Variants in PTPRD observed in about 807,000 individuals in gnomAD.
The protein encoded by PTPRD is receptor-type tyrosine-protein phosphatase delta.
PTPRD carries 34 observed loss-of-function variants against 214.5 expected under a neutral mutation model. That is an observed-to-expected ratio of 0.16 (90% CI 0.12 to 0.21). The LOEUF (loss-of-function observed/expected upper bound fraction) is 0.21. Ranked by LOEUF, PTPRD falls within the 10% of genes least tolerant of loss-of-function variation. The probability of loss-of-function intolerance (pLI) is 1.00; values close to 1 mark genes in which losing one functional copy is unlikely to be tolerated. For synonymous variants in PTPRD, 1,128 were observed against 845.7 expected (o/e 1.33, Z -5.79); for missense variants, 2,545 against 2,398.7 (o/e 1.06, Z -1.27).
intron 3 of PTPRD, among the ~76,000 whole-genome samples, chr9:10,171,997 A>G (rs899565570): frequency 1.3e-5 from 2 of 152,170 alleles, no homozygotes; most frequent in Non-Finnish European, 2.9e-5. Flanking sequence ...AAATGATACC[A>G]TTCCAGCCTC....
chr9:8,578,456 T>G (rs2092705404), intron 14 of PTPRD, among the ~76,000 whole-genome samples: 1 of 152,210 alleles, frequency 6.6e-6, no homozygotes, highest in Non-Finnish European at 1.5e-5. Context: ...GTAATACTAT[T>G]ATTTGATTCA....
chr9:9,292,801 C>A lies in PTPRD; in HGVS notation c.-203+104648G>T, dbSNP rs186188264. On this transcript the variant is annotated intron_variant, in intron 9 of 45. Coordinates refer to ENST00000381196, the MANE Select transcript of PTPRD (RefSeq NM_002839.4). Reference sequence around the variant, plus strand: ...CTTGACAGATTTGAGGAGTACTGATCAGGCATTATATAGAATGTTCCTCTA... The same window carrying A: ...CTTGACAGATTTGAGGAGTACTGATAAGGCATTATATAGAATGTTCCTCTA... Among the ~76,000 whole-genome samples, 6 of 151,406 alleles carry A rather than the reference C, an allele frequency of 4.0e-5. 1 individual carries two copies. The highest frequency in any genetic ancestry group is 9.7e-5 in the African/African-American group (4 of 41,382).
At chr9:9,257,391 C>T (rs1202817535) in intron 9 of PTPRD, among the ~76,000 whole-genome samples, 1 of 151,912 alleles carries the variant, frequency 6.6e-6, no homozygotes, top group African/African-American at 2.4e-5. Context: ...GAGTTGGCTT[C>T]CATGTCCCAA....
chr9:8,362,633 G>A (rs1174028789), intron 39 of PTPRD, among the ~76,000 whole-genome samples: 1 of 152,142 alleles, frequency 6.6e-6, no homozygotes, highest in Non-Finnish European at 1.5e-5. Context: ...GACTGAAGTT[G>A]TTTCTTCAAA....
chr9:10,295,010 T>C (rs117538995), intron 3 of PTPRD, among the ~76,000 whole-genome samples: 4,533 of 152,078 alleles, frequency 0.03, 297 homozygotes, highest in Admixed American at 0.16. Flanking sequence ...AATACAGTTA[T>C]GGTGATTTAA....
At chr9:10,056,112 G>A (rs950120338) in intron 3 of PTPRD, among the ~76,000 whole-genome samples, 5 of 151,902 alleles carry the variant, frequency 3.3e-5, no homozygotes, top group African/African-American at 1.2e-4. Context: ...CATGAGGTCA[G>A]GAGTTTGAGA....
chr9:8,689,878 C>T (rs2097767403), intron 12 of PTPRD, among the ~76,000 whole-genome samples: 1 of 152,054 alleles, frequency 6.6e-6, no homozygotes, highest in Admixed American at 6.5e-5. Context: ...AAGGCAAAGG[C>T]TTGTGGATCA....
intron 13 of PTPRD, 49 bp from the exon 14 acceptor site, chr9:8,633,507 C>T (rs141171244): frequency 6.3e-7 from 1 of 1,598,824 alleles, no homozygotes; most frequent in Non-Finnish European, 8.5e-7. Context: ...AATTGTCTAC[C>T]TCTCAGCTAA....
chr9:10,308,416 T>A (rs529134577), intron 3 of PTPRD, among the ~76,000 whole-genome samples: 2 of 152,186 alleles, frequency 1.3e-5, no homozygotes, highest in Admixed American at 6.6e-5. Context: ...ATTCCATTAG[T>A]CTATGTGTCT....
chr9:8,750,524 A>C (rs2093413346), intron 11 of PTPRD, among the ~76,000 whole-genome samples: 1 of 152,130 alleles, frequency 6.6e-6, no homozygotes, highest in South Asian at 2.1e-4. Flanking sequence ...ACAGGGGTAG[A>C]AAAATAACTG....
chr9:9,477,652 G>C (rs913286884), intron 8 of PTPRD, among the ~76,000 whole-genome samples: 1 of 152,046 alleles, frequency 6.6e-6, no homozygotes, highest in Non-Finnish European at 1.5e-5. Context: ...ACTGATATCC[G>C]TGCAAGGAAC....
intron 39 of PTPRD, among the ~76,000 whole-genome samples, chr9:8,374,185 A>G (rs1247023117): frequency 5.3e-5 from 8 of 151,152 alleles, no homozygotes. Flanking sequence ...ATATAAGGGC[A>G]ACATTTCTTC....
chr9:9,673,780 C>T (rs957078033), intron 7 of PTPRD, among the ~76,000 whole-genome samples: 2 of 150,000 alleles, frequency 1.3e-5, no homozygotes, highest in African/African-American at 4.9e-5. Flanking sequence ...ATACAGAAAC[C>T]CCAAAAAGAT....
intron 7 of PTPRD, among the ~76,000 whole-genome samples, chr9:9,660,915 T>C (rs1222132214): frequency 6.6e-6 from 1 of 151,980 alleles, no homozygotes; most frequent in Non-Finnish European, 1.5e-5. Context: ...ACTTTGTCAT[T>C]GTGTCACGTT....
At chr9:9,880,550 G>A (rs566950220) in intron 5 of PTPRD, among the ~76,000 whole-genome samples, 1 of 151,920 alleles carries the variant, frequency 6.6e-6, no homozygotes, top group African/African-American at 2.4e-5. Flanking sequence ...TTTTATTTTT[G>A]TATCAGGTAT....
chr9:9,800,545 G>C (rs886127939), intron 5 of PTPRD: 10 of 152,102 alleles, frequency 6.6e-5, no homozygotes, highest in Non-Finnish European at 1.3e-4. Flanking sequence ...ATGAATTATA[G>C]GTCTGTAAAG....
rs114990937 is a variant in PTPRD at position 8,694,139 on chromosome 9, T to C, written c.64+39641A>G. Among the ~76,000 whole-genome samples, 147 of 152,338 alleles carry C rather than the reference T, an allele frequency of 9.6e-4. 1 individual carries two copies. Among genetic ancestry groups the C allele is most frequent in the African/African-American group, 3.5e-3 (146 of 41,590 alleles). ...CAATGGATAGTGATGGGATGTATTT[T>C]AAATAAGAGAATATATTTAAATGCA... On this transcript the variant is annotated intron_variant, in intron 12 of 45. Coordinates refer to ENST00000381196, the MANE Select transcript of PTPRD (RefSeq NM_002839.4).
intron 3 of PTPRD, among the ~76,000 whole-genome samples, chr9:10,168,083 G>A (rs1044546039): frequency 6.6e-6 from 1 of 152,152 alleles, no homozygotes; most frequent in African/African-American, 2.4e-5. Flanking sequence ...TTAAGACTGT[G>A]TAGAACATCT....
At chr9:10,211,487 A>G (rs2099516710) in intron 3 of PTPRD, among the ~76,000 whole-genome samples, 1 of 152,170 alleles carries the variant, frequency 6.6e-6, no homozygotes, top group South Asian at 2.1e-4. Context: ...GCATAACATG[A>G]TCACATCAGC....
Sources: gnomAD v4.1 joint callset for allele counts (sites outside exome capture counted in the v4.1 genomes callset) on GRCh38, gnomAD v4.1.1 for gene constraint, MANE v1.5 for transcripts, NCBI Gene and HGNC (gene_info 2026-07-23, HGNC 2026-07-21) for gene names.